Variants in PTPN14 observed in about 807,000 individuals in gnomAD.
The protein encoded by PTPN14 is protein tyrosine phosphatase non-receptor type 14.
A neutral mutation model predicts 126.8 loss-of-function variants in PTPN14; 53 were observed. That is an observed-to-expected ratio of 0.42 (90% confidence interval 0.34 to 0.53). The LOEUF (loss-of-function observed/expected upper bound fraction) is 0.53. Among genes scored for constraint, PTPN14 ranks in the 20% least tolerant of loss-of-function variants. The pLI, the probability that PTPN14 is intolerant of heterozygous loss-of-function variation, is 0.08. For synonymous variants in PTPN14, 630 were observed against 599.3 expected (o/e 1.05, Z -0.75); for missense variants, 1,257 against 1,552.9 (o/e 0.81, Z 3.20).
At chr1:214,402,744 A>C in intron 6 of PTPN14, 139 bp downstream of exon 6, 33 of 865,796 alleles carry the variant, frequency 3.8e-5, no homozygotes, top group East Asian at 8.0e-5. Context: ...ACGGAAGTAC[A>C]GAGCTGAGTC....
chr1:214,374,618 A>AG (rs34345897), intron 15 of PTPN14, among the ~76,000 whole-genome samples: 1 of 152,206 alleles, frequency 6.6e-6, no homozygotes, highest in East Asian at 1.9e-4. Context: ...CTTGGAACCC[A>AG]GGGGGGAAAA....
At chr1:214,380,390 C>T (rs899462381) in intron 13 of PTPN14, among the ~76,000 whole-genome samples, 2 of 152,116 alleles carry the variant, frequency 1.3e-5, no homozygotes, top group African/African-American at 4.8e-5. Flanking sequence ...TCTCACTCAC[C>T]CTATCAGCTT....
At chr1:214,506,759 T>C (rs1170303111) in intron 1 of PTPN14, among the ~76,000 whole-genome samples, 2 of 152,020 alleles carry the variant, frequency 1.3e-5, no homozygotes, top group African/African-American at 2.4e-5. Context: ...AAACAGCCCC[T>C]GTGAGGGGAG....
At chr1:214,539,860 GCCTCATTTTAGGAA>G (rs1275367427) in intron 1 of PTPN14, among the ~76,000 whole-genome samples, 2 of 152,162 alleles carry the variant, frequency 1.3e-5, no homozygotes, top group Admixed American at 6.5e-5. Flanking sequence ...CAGAAAACGT[GCCTCATTTTAGGAA>G]CAACCAAACA....
chr1:214,492,944 G>A (rs1373176792), intron 1 of PTPN14, among the ~76,000 whole-genome samples: 2 of 151,758 alleles, frequency 1.3e-5, no homozygotes, highest in Admixed American at 6.6e-5. Context: ...ACAACACATA[G>A]CAGGAGGGTA....
intron 1 of PTPN14, among the ~76,000 whole-genome samples, chr1:214,499,891 AC>A: frequency 6.6e-6 from 1 of 152,132 alleles, no homozygotes; most frequent in African/African-American, 2.4e-5. Flanking sequence ...AAAAGCCATT[AC>A]ATTTCCTACA....
At chr1:214,445,265 C>A (rs1216648419) in intron 3 of PTPN14, among the ~76,000 whole-genome samples, 1 of 152,122 alleles carries the variant, frequency 6.6e-6, no homozygotes, top group Non-Finnish European at 1.5e-5. Context: ...GTACTTGGAA[C>A]AGGTCCTGTG....
At chr1:214,396,938 T>C (rs988113259) in intron 8 of PTPN14, among the ~76,000 whole-genome samples, 6 of 152,258 alleles carry the variant, frequency 3.9e-5, no homozygotes, top group African/African-American at 1.2e-4. Context: ...GGCAGATATA[T>C]GGAGCTGACA....
chr1:214,533,431 T>C (rs1655608406), intron 1 of PTPN14: 1 of 415,810 alleles, frequency 2.4e-6, no homozygotes, highest in Non-Finnish European at 4.6e-6. Flanking sequence ...AGTGGCAAAG[T>C]GGTGTCTCAG....
chr1:214,490,008 T>G (rs1661196076), intron 1 of PTPN14, among the ~76,000 whole-genome samples: 1 of 152,228 alleles, frequency 6.6e-6, no homozygotes, highest in African/African-American at 2.4e-5. Flanking sequence ...TAATAAATGT[T>G]AGTTACTAGT....
intron 1 of PTPN14, among the ~76,000 whole-genome samples, chr1:214,550,770 AGCTGCATCCCCCTACC>A (rs1314484110): frequency 6.6e-6 from 1 of 152,116 alleles, no homozygotes. Context: ...AGCGTCGGGC[AGCTGCATCCCCCTACC>A]GCTGCAGCGA....
rs1657786826 is a variant in PTPN14, at chr1:214,355,080, T to G, written c.*2842A>C. 6.6e-6 allele frequency: 1 copy of G among 152,248 alleles called. No homozygotes were observed. The highest frequency in any genetic ancestry group is 2.4e-5 in the African/African-American group (1 of 41,460). The allele number at this position is 152,248 out of a possible 1,614,324, so 9.4% of individuals were successfully genotyped here. A position where few individuals can be genotyped will look rare whatever the true frequency, so the allele number is the denominator to read the frequency against. Reference sequence around the variant, plus strand: ...AAATGTGCTAAAGAACCAAAGGCATTTGTTTTTAAAAGTGAAATATGTGGA... The same window carrying G: ...AAATGTGCTAAAGAACCAAAGGCATGTGTTTTTAAAAGTGAAATATGTGGA... On this transcript the variant is annotated 3_prime_UTR_variant, in exon 19 of 19. Transcript: ENST00000366956.
Position 214,390,970 on chromosome 1 carries a change from TG to T in PTPN14, c.987+17del. ...CTCAACAGTCAGATCACTTGATCACTGCAGCTTCTATACATACCAGAGAGGA... is the reference window on the plus strand; with the variant it reads ...CTCAACAGTCAGATCACTTGATCACTCAGCTTCTATACATACCAGAGAGGA... On this transcript the variant is annotated intron_variant, in intron 11 of 18. Coordinates refer to ENST00000366956, the MANE Select transcript of PTPN14 (RefSeq NM_005401.5). 1 of 1,497,206 alleles carries T rather than the reference TG, an allele frequency of 6.7e-7. No homozygotes were observed. Among genetic ancestry groups the T allele is most frequent in the South Asian group, 1.3e-5 (1 of 75,622 alleles). The allele number at this position is 1,497,206 out of a possible 1,614,324, so 92.7% of individuals were successfully genotyped here.
At position 214,460,165 on chromosome 1, in the gene PTPN14, G is replaced by A. The variant is rs1660477539; in HGVS notation, c.174+4465C>T. Reference sequence around the variant, plus strand: ...CATCTGTAACATAGGAACAGCAAGAGTAGGGACACATCAGACTTGTTATGA... The same window carrying A: ...CATCTGTAACATAGGAACAGCAAGAATAGGGACACATCAGACTTGTTATGA... On this transcript the variant is annotated intron_variant, in intron 2 of 18. Transcript: ENST00000366956. Among the ~76,000 whole-genome samples, 3 of 51,794 alleles carry A rather than the reference G, an allele frequency of 5.8e-5. No homozygotes were observed. The South Asian group carries it at 1.5e-3, about 27-fold the overall frequency. The allele number at this position is 51,794 out of a possible 152,430, so 34.0% of individuals were successfully genotyped here.
chr1:214,420,268 T>C (rs1659515430), intron 3 of PTPN14, among the ~76,000 whole-genome samples: 1 of 152,220 alleles, frequency 6.6e-6, no homozygotes, highest in Admixed American at 6.5e-5. Context: ...AGCTAATACA[T>C]GTACATGCAT....
chr1:214,494,172 G>A (rs570702167), intron 1 of PTPN14, among the ~76,000 whole-genome samples: 3 of 152,182 alleles, frequency 2.0e-5, no homozygotes, highest in South Asian at 2.1e-4. Flanking sequence ...CCAGGTTCAC[G>A]CCATTCTCCT....
intron 18 of PTPN14, among the ~76,000 whole-genome samples, chr1:214,363,100 G>A (rs1657994302): frequency 1.3e-5 from 2 of 152,136 alleles, no homozygotes; most frequent in Admixed American, 6.5e-5. Flanking sequence ...TCCTATGTGG[G>A]GCAAAATGGT....
At chr1:214,474,687 G>A (rs539934120) in intron 1 of PTPN14, among the ~76,000 whole-genome samples, 3 of 152,284 alleles carry the variant, frequency 2.0e-5, no homozygotes, top group South Asian at 2.1e-4. Context: ...CCAAAGAGGT[G>A]GTTCTCTATC....
At chr1:214,523,522 G>A (rs1043883379) in intron 1 of PTPN14, among the ~76,000 whole-genome samples, 6 of 152,204 alleles carry the variant, frequency 3.9e-5, no homozygotes, top group African/African-American at 7.2e-5. Context: ...TAGCCTAGGT[G>A]TGTAGTAGGC....
Sources: gnomAD v4.1 joint callset for allele counts (sites outside exome capture counted in the v4.1 genomes callset) on GRCh38, gnomAD v4.1.1 for gene constraint, MANE v1.5 for transcripts, NCBI Gene and HGNC (gene_info 2026-07-23, HGNC 2026-07-21) for gene names.